NME7: variants seen among roughly 807,000 people sequenced by gnomAD.
NME7 encodes nucleoside diphosphate kinase 7.
In NME7, 41 loss-of-function variants were observed where a neutral mutation model predicts 49.1. The ratio of observed to expected loss-of-function variants is 0.83; its 90% CI spans 0.65 to 1.08. The LOEUF is 1.08. NME7 is among the 50% of genes least tolerant of loss of function. NME7 has a pLI of 0.00. For missense variants in NME7, 423 were observed against 463.4 expected, an observed-to-expected ratio of 0.91 and a Z score of 0.80; for synonymous variants, 139 against 150.6, an observed-to-expected ratio of 0.92 and a Z score of 0.56.
At chr1:169,355,964 G>A (rs976493472) in intron 1 of NME7, among the ~76,000 whole-genome samples, 1 of 152,086 alleles carries the variant, frequency 6.6e-6, no homozygotes, top group African/African-American at 2.4e-5. Flanking sequence ...GAATAAAAGA[G>A]TCCACTGTTT....
intron 7 of NME7, among the ~76,000 whole-genome samples, chr1:169,282,516 C>T (rs961288363): frequency 5.3e-5 from 8 of 152,136 alleles, no homozygotes; most frequent in African/African-American, 1.4e-4. Flanking sequence ...GCTGTTGCTT[C>T]TCTAGTTCTT....
At chr1:169,274,591 T>TGGTTTTAGGTTTTATTTA (rs1649625422) in intron 7 of NME7, among the ~76,000 whole-genome samples, 1 of 132,680 alleles carries the variant, frequency 7.5e-6, no homozygotes, top group Non-Finnish European at 1.8e-5. Flanking sequence ...AGGGTTTTTA[T>TGGTTTTAGGTTTTATTTA]GGTTTTAGGT....
rs138043735 is a variant in NME7 at position 169,217,106 on chromosome 1, G to A, written c.990+13612C>T. Reference sequence around the variant, plus strand: ...ATTTGTCAATTTTGTCAATAAAGTTGAAAATAATAAACCAGAGAGAAATAT... The same window carrying A: ...ATTTGTCAATTTTGTCAATAAAGTTAAAAATAATAAACCAGAGAGAAATAT... On this transcript the variant is annotated intron_variant, in intron 10 of 11. Coordinates refer to ENST00000367811, the MANE Select transcript of NME7 (RefSeq NM_013330.5). Among the ~76,000 whole-genome samples the A allele has an allele frequency of 6.2e-3, 939 of 152,122 alleles. 10 individuals are homozygous for A. Among genetic ancestry groups the A allele is most frequent in the African/African-American group, 0.021 (884 of 41,514 alleles).
intron 1 of NME7, among the ~76,000 whole-genome samples, chr1:169,327,143 A>G (rs1025855541): frequency 3.3e-5 from 5 of 152,212 alleles, no homozygotes; most frequent in Non-Finnish European, 4.4e-5. Context: ...AACTCAAGAG[A>G]GAGAAACTAA....
chr1:169,146,956 T>C (rs1013413618), intron 11 of NME7, among the ~76,000 whole-genome samples: 3 of 152,216 alleles, frequency 2.0e-5, no homozygotes, highest in African/African-American at 7.2e-5. Flanking sequence ...ATTATGTACT[T>C]GGTCATTCAA....
At chr1:169,245,038 A>T (rs1648251896) in intron 7 of NME7, among the ~76,000 whole-genome samples, 1 of 152,218 alleles carries the variant, frequency 6.6e-6, no homozygotes, top group South Asian at 2.1e-4. Flanking sequence ...CTGAGGCACA[A>T]GAATCGCTTG....
rs1040975861 is a variant in NME7 at position 169,172,338 on chromosome 1, GTGTGTGTGTGTGTGTGTA to G, written c.991-2802_991-2785del. On this transcript the variant is annotated intron_variant, in intron 10 of 11. Coordinates refer to ENST00000367811, the MANE Select transcript of NME7 (RefSeq NM_013330.5). Reference sequence around the variant, plus strand: ...CAAAAACATACGTGTGTGTGTGTGTGTGTGTGTGTGTGTGTGTATGTGTATGTGTGTACTCTTCCTTGT... The same window carrying G: ...CAAAAACATACGTGTGTGTGTGTGTGTGTGTATGTGTGTACTCTTCCTTGT... Among the ~76,000 whole-genome samples the G allele has an allele frequency of 1.6e-4, 20 of 123,970 alleles. No individual in the cohort carries two copies. The East Asian group carries it at 3.7e-3, about 23-fold the overall frequency. The allele number at this position is 123,970 out of a possible 152,430, so 81.3% of individuals were successfully genotyped here.
At position 169,260,047 on chromosome 1, in the gene NME7, CA is replaced by C. The variant is rs1218710677; in HGVS notation, c.755-22361del. Among the ~76,000 whole-genome samples, 2 of 133,538 alleles carry C rather than the reference CA, an allele frequency of 1.5e-5. 1 individual carries two copies. The highest frequency in any genetic ancestry group is 3.5e-5 in the Non-Finnish European group (2 of 56,726). The allele number at this position is 133,538 out of a possible 152,430, so 87.6% of individuals were successfully genotyped here. ...TGAGTAACTCACTTCCTATTTTGCA[CA>C]CATAGAAGTCACAGTACGTATGCTA... On this transcript the variant is annotated intron_variant, in intron 7 of 11. Transcript: ENST00000367811.
At chr1:169,157,696 C>T (rs1161377917) in intron 11 of NME7, among the ~76,000 whole-genome samples, 1 of 152,214 alleles carries the variant, frequency 6.6e-6, no homozygotes, top group Non-Finnish European at 1.5e-5. Context: ...TTAAATCCAT[C>T]TAGAGAGGCT....
At chr1:169,143,880 C>T (rs746945069) in intron 11 of NME7, among the ~76,000 whole-genome samples, 204 of 152,228 alleles carry the variant, frequency 1.3e-3, no homozygotes, top group Admixed American at 2.6e-3. Context: ...ATATTCTCAA[C>T]AATTTTTTTT....
intron 1 of NME7, among the ~76,000 whole-genome samples, chr1:169,329,649 G>A (rs1039108589): frequency 3.3e-5 from 5 of 151,552 alleles, no homozygotes; most frequent in Non-Finnish European, 7.4e-5. Flanking sequence ...ACACAGAGGA[G>A]ACAAAAAAAG....
intron 6 of NME7, among the ~76,000 whole-genome samples, chr1:169,291,399 C>G (rs1372388149): frequency 2.6e-5 from 4 of 152,024 alleles, no homozygotes; most frequent in Non-Finnish European, 5.9e-5. Context: ...TCTCAGCAAA[C>G]TAACACAGGA....
chr1:169,273,652 C>T (rs1306312314), intron 7 of NME7, among the ~76,000 whole-genome samples: 3 of 128,210 alleles, frequency 2.3e-5, no homozygotes, highest in African/African-American at 7.9e-5. Flanking sequence ...TGATGTTCCC[C>T]TTCCTGTGTC....
chr1:169,363,149 G>A (rs1184220621), intron 1 of NME7, among the ~76,000 whole-genome samples: 1 of 151,976 alleles, frequency 6.6e-6, no homozygotes, highest in Non-Finnish European at 1.5e-5. Flanking sequence ...TGAGGCTGGA[G>A]GATCACTTGA....
chr1:169,191,798 TAAC>T (rs897607503), intron 10 of NME7, among the ~76,000 whole-genome samples: 1 of 152,106 alleles, frequency 6.6e-6, no homozygotes, highest in African/African-American at 2.4e-5. Context: ...ATGCAGCACT[TAAC>T]AAATTTAAAT....
chr1:169,323,176 C>T lies in NME7; in HGVS notation c.219G>A (p.Leu73=). The T allele has an allele frequency of 1.2e-6, 2 of 1,608,524 alleles. No homozygotes were observed. The highest frequency in any genetic ancestry group is 1.7e-6 in the Non-Finnish European group (2 of 1,177,542). ...ATTGATCCCCATAGTCAATTAATAC[C>T]AGTTGTCGAGAAAAGACATTCACTT... ...GNKVNVFSRQ[L]VLIDYGDQYT... The change falls in exon 3 of 12, where the codon CTG becomes CTA. Residue 73 remains leucine (L), a synonymous_variant. Coordinates refer to ENST00000367811, the MANE Select transcript of NME7 (RefSeq NM_013330.5).
chr1:169,162,319 A>T (rs754090888), intron 11 of NME7, among the ~76,000 whole-genome samples: 1 of 152,092 alleles, frequency 6.6e-6, no homozygotes, highest in Non-Finnish European at 1.5e-5. Context: ...TTAAACTTAT[A>T]CATACAATTA....
intron 10 of NME7, among the ~76,000 whole-genome samples, chr1:169,192,237 T>C (rs1660251618): frequency 6.6e-6 from 1 of 152,150 alleles, no homozygotes; most frequent in Non-Finnish European, 1.5e-5. Flanking sequence ...TCACTCAAGA[T>C]TGGGGCAGCT....
At chr1:169,237,503 G>A (rs932169103) in intron 8 of NME7, 120 bp downstream of exon 8, 8 of 644,312 alleles carry the variant, frequency 1.2e-5, no homozygotes, top group Admixed American at 8.8e-5. Context: ...AGTTCAGTAA[G>A]TATGTCTTTT....
Sources: allele counts gnomAD v4.1 joint callset (sites outside exome capture counted in the v4.1 genomes callset), GRCh38; gene constraint gnomAD v4.1.1; transcripts MANE v1.5; gene names NCBI Gene and HGNC (gene_info 2026-07-23, HGNC 2026-07-21).